CCDC7: variants seen among roughly 807,000 people sequenced by gnomAD.
The protein encoded by CCDC7 is coiled-coil domain-containing protein 7.
A neutral mutation model predicts 196.9 loss-of-function variants in CCDC7; 183 were observed. The observed-to-expected ratio is 0.93, with a 90% CI of 0.82 to 1.05. The LOEUF is 1.05. CCDC7 is among the 50% of genes least tolerant of loss of function. The pLI, the probability that CCDC7 is intolerant of heterozygous loss-of-function variation, is 0.00. For missense variants in CCDC7, 1,540 were observed against 1,482.2 expected (o/e 1.04, Z -0.64); for synonymous variants, 525 against 484.6 (o/e 1.08, Z -1.10).
At chr10:32,559,019 C>T (rs189016447) in intron 13 of CCDC7, among the ~76,000 whole-genome samples, 11 of 152,356 alleles carry the variant, frequency 7.2e-5, no homozygotes, top group Admixed American at 3.9e-4. Flanking sequence ...GATTATATCC[C>T]GCACATGGCT....
At chr10:32,720,261 A>G (rs2082209176) in intron 25 of CCDC7, among the ~76,000 whole-genome samples, 1 of 152,148 alleles carries the variant, frequency 6.6e-6, no homozygotes, top group African/African-American at 2.4e-5. Context: ...ATGAAGCTGG[A>G]AACCATCATT....
chr10:32,594,366 A>C (rs1397781811), intron 18 of CCDC7, among the ~76,000 whole-genome samples: 1 of 152,182 alleles, frequency 6.6e-6, no homozygotes, highest in African/African-American at 2.4e-5. Context: ...TTATTGGTGT[A>C]TAAGAATGCT....
chr10:32,611,714 A>G (rs1006467253), intron 18 of CCDC7, among the ~76,000 whole-genome samples: 2 of 152,182 alleles, frequency 1.3e-5, no homozygotes, highest in Non-Finnish European at 2.9e-5. Flanking sequence ...CAGGTTTGTC[A>G]AAGATTGGAT....
At chr10:32,569,493 C>T (rs947280113) in intron 15 of CCDC7, among the ~76,000 whole-genome samples, 1 of 152,068 alleles carries the variant, frequency 6.6e-6, no homozygotes, top group Non-Finnish European at 1.5e-5. Flanking sequence ...ATGGTGTGAT[C>T]TCAGCTCACT....
At chr10:32,559,110 G>T (rs946846810) in intron 13 of CCDC7, among the ~76,000 whole-genome samples, 1 of 152,156 alleles carries the variant, frequency 6.6e-6, no homozygotes, top group African/African-American at 2.4e-5. Flanking sequence ...CAGCGAGGCT[G>T]GGGGAGGGGC....
At chr10:32,801,280 A>C (rs1026163265) in intron 29 of CCDC7, among the ~76,000 whole-genome samples, 1 of 152,218 alleles carries the variant, frequency 6.6e-6, no homozygotes, top group African/African-American at 2.4e-5. Flanking sequence ...TAGCATCCTG[A>C]TCTCCTAAGA....
rs530032709 is a variant in CCDC7, at chr10:32,708,670, A to G, written c.2459-2950A>G. On this transcript the variant is annotated intron_variant, in intron 24 of 41. Transcript: ENST00000639629. ...CAAAAAGTGGGCGAAGCATATGAACAGACACTTCTCAAAAGGAGACATTTA... is the reference window on the plus strand; with the variant it reads ...CAAAAAGTGGGCGAAGCATATGAACGGACACTTCTCAAAAGGAGACATTTA... Among the ~76,000 whole-genome samples the G allele has an allele frequency of 3.3e-5, 5 of 152,366 alleles. No individual in the cohort carries two copies. In the East Asian group the frequency reaches 9.6e-4, roughly 29 times the overall value.
chr10:32,676,979 A>G (rs979139851), intron 21 of CCDC7, among the ~76,000 whole-genome samples: 10 of 151,916 alleles, frequency 6.6e-5, no homozygotes, highest in Admixed American at 6.5e-4. Context: ...CAAATGTCCA[A>G]CAACGATAGA....
intron 18 of CCDC7, among the ~76,000 whole-genome samples, chr10:32,617,942 A>T (rs562835799): frequency 8.6e-5 from 13 of 151,842 alleles, no homozygotes; most frequent in African/African-American, 2.9e-4. Context: ...TGTATTTAGG[A>T]TTGTTGTATC....
At chr10:32,537,425 T>G (rs925356608) in intron 11 of CCDC7, among the ~76,000 whole-genome samples, 27 of 152,178 alleles carry the variant, frequency 1.8e-4, no homozygotes, top group African/African-American at 6.5e-4. Flanking sequence ...AGTTTACAAA[T>G]ATTTTCTCCC....
intron 18 of CCDC7, among the ~76,000 whole-genome samples, chr10:32,627,558 G>A (rs541273062): frequency 6.6e-6 from 1 of 152,056 alleles, no homozygotes; most frequent in South Asian, 2.1e-4. Flanking sequence ...CTGAATAGAA[G>A]TGGTGAGAGT....
intron 21 of CCDC7, among the ~76,000 whole-genome samples, chr10:32,674,584 A>C (rs1187071965): frequency 6.6e-6 from 1 of 152,034 alleles, no homozygotes; most frequent in African/African-American, 2.4e-5. Flanking sequence ...TGTTCTTTAA[A>C]TGGCTGTTAG....
At chr10:32,666,125 T>C (rs1332723426) in intron 21 of CCDC7, among the ~76,000 whole-genome samples, 2 of 150,456 alleles carry the variant, frequency 1.3e-5, no homozygotes, top group African/African-American at 4.9e-5. Flanking sequence ...TTTTTCTTTT[T>C]TTTTTTTTTT....
Position 32,641,182 on chromosome 10 carries a change from A to G in CCDC7, c.2014+6024A>G, listed in dbSNP as rs975767784. Among the ~76,000 whole-genome samples the G allele has an allele frequency of 9.2e-5, 14 of 152,012 alleles. 1 individual carries two copies. Among genetic ancestry groups the G allele is most frequent in the Admixed American group, 8.5e-4 (13 of 15,256 alleles). Reference sequence around the variant, plus strand: ...TTTGTGGCGTTCTCTGTATTTCCTGAATTTGAATGTTGGCCTGCCTTGCTA... The same window carrying G: ...TTTGTGGCGTTCTCTGTATTTCCTGGATTTGAATGTTGGCCTGCCTTGCTA... On this transcript the variant is annotated intron_variant, in intron 20 of 41. Coordinates refer to ENST00000639629, the Ensembl canonical transcript of CCDC7.
intron 18 of CCDC7, among the ~76,000 whole-genome samples, chr10:32,595,245 A>G (rs901922346): frequency 2.0e-5 from 3 of 152,156 alleles, no homozygotes; most frequent in African/African-American, 4.8e-5. Context: ...TGGTCTATTC[A>G]GGGATTCAAC....
intron 8 of CCDC7, among the ~76,000 whole-genome samples, chr10:32,488,103 C>CA (rs1288869587): frequency 6.6e-6 from 1 of 152,332 alleles, no homozygotes; most frequent in East Asian, 1.9e-4. Context: ...CAGAGGCAGA[C>CA]AGGCCTCCTT....
intron 20 of CCDC7, among the ~76,000 whole-genome samples, chr10:32,659,771 G>T (rs1302118460): frequency 6.6e-6 from 1 of 152,130 alleles, no homozygotes; most frequent in Non-Finnish European, 1.5e-5. Flanking sequence ...TGAAAACCAT[G>T]AGATGCCGTC....
chr10:32,602,093 T>A (rs142855149), intron 18 of CCDC7, among the ~76,000 whole-genome samples: 56 of 152,276 alleles, frequency 3.7e-4, no homozygotes, highest in Middle Eastern at 6.8e-3. Context: ...GCACTACCTT[T>A]ATAAGCTGTA....
At chr10:32,647,004 T>C (rs969037008) in intron 20 of CCDC7, among the ~76,000 whole-genome samples, 4 of 152,248 alleles carry the variant, frequency 2.6e-5, no homozygotes, top group African/African-American at 9.6e-5. Context: ...CGAGATTGAT[T>C]CCATGTCTTG....
Sources: allele counts gnomAD v4.1 joint callset (sites outside exome capture counted in the v4.1 genomes callset), GRCh38; gene constraint gnomAD v4.1.1; transcripts MANE v1.5; gene names NCBI Gene and HGNC (gene_info 2026-07-23, HGNC 2026-07-21).